The following UPF2 variants were observed in gnomAD, a reference collection of about 807,000 sequenced individuals.
UPF2 encodes UPF2 regulator of nonsense mediated mRNA decay.
UPF2 carries 17 observed loss-of-function variants against 141.4 expected under a neutral mutation model. The ratio of observed to expected loss-of-function variants is 0.12; its 90% CI spans 0.08 to 0.18. The LOEUF is 0.18. UPF2 is among the 10% of genes least tolerant of loss of function. UPF2 has a pLI of 1.00. For synonymous variants in UPF2, 540 were observed against 498.0 expected, an observed-to-expected ratio of 1.08 and a Z score of -1.12; for missense variants, 1,152 against 1,515.9, an observed-to-expected ratio of 0.76 and a Z score of 3.99.
rs1466972299 is a variant in UPF2, at chr10:11,999,962, C to T, written c.1702G>A (p.Val568Ile). The T allele has an allele frequency of 6.2e-7, 1 of 1,613,528 alleles. No individual in the cohort carries two copies. The highest frequency in any genetic ancestry group is 1.7e-5 in the Admixed American group (1 of 59,916). ...GGTAACTGCTGTAGGAAAGCATCTA[C>T]TATGAGCTTGAGATGAGATCCAGTG... ...ASTGSHLKLI[V>I]DAFLQQLPNC... The change falls in exon 7 of 22, where the codon GTA (valine) becomes ATA (isoleucine). Residue 568 changes from valine to isoleucine, a missense_variant. This residue lies in a region of UPF2 where 739 missense variants were observed against 1,032.2 expected (regional missense o/e 0.72). Transcript: ENST00000357604.
chr10:12,028,508 G>C (rs937096036), intron 3 of UPF2, among the ~76,000 whole-genome samples: 3 of 152,008 alleles, frequency 2.0e-5, no homozygotes, highest in African/African-American at 7.2e-5. Flanking sequence ...CATCCACAAA[G>C]CAAAAATCAC....
intron 8 of UPF2, among the ~76,000 whole-genome samples, chr10:11,986,880 T>C (rs1231984159): frequency 6.6e-6 from 1 of 152,202 alleles, no homozygotes; most frequent in Non-Finnish European, 1.5e-5. Context: ...GAAAATCTCT[T>C]ACAAAAAGTC....
At chr10:12,036,455 C>G (rs1834626835) in intron 1 of UPF2, among the ~76,000 whole-genome samples, 1 of 152,212 alleles carries the variant, frequency 6.6e-6, no homozygotes, top group African/African-American at 2.4e-5. Context: ...ATCTGTATTT[C>G]AAGTGCTCAA....
intron 2 of UPF2, among the ~76,000 whole-genome samples, chr10:12,029,736 C>T (rs1834482367): frequency 6.6e-6 from 1 of 152,012 alleles, no homozygotes; most frequent in Admixed American, 6.6e-5. Flanking sequence ...CCAAAGCAGA[C>T]AGATCACCTG....
intron 16 of UPF2, among the ~76,000 whole-genome samples, chr10:11,945,102 C>T (rs1226816797): frequency 6.6e-6 from 1 of 152,198 alleles, no homozygotes; most frequent in Non-Finnish European, 1.5e-5. Context: ...GAATCTTGCA[C>T]TTTCTGTTGA....
chr10:11,982,278 A>G (rs1309899714), intron 8 of UPF2, among the ~76,000 whole-genome samples: 1 of 152,210 alleles, frequency 6.6e-6, no homozygotes, highest in Non-Finnish European at 1.5e-5. Context: ...AGAAAAGTAC[A>G]GGTACAACAG....
At chr10:11,942,153 C>A (rs1354730192) in intron 18 of UPF2, among the ~76,000 whole-genome samples, 2 of 152,140 alleles carry the variant, frequency 1.3e-5, no homozygotes, top group South Asian at 2.1e-4. Flanking sequence ...GCAGGAGGAT[C>A]ACCTGAGGTC....
intron 8 of UPF2, among the ~76,000 whole-genome samples, chr10:11,994,818 T>C (rs540053098): frequency 5.9e-5 from 9 of 151,324 alleles, no homozygotes; most frequent in Non-Finnish European, 1.3e-4. Flanking sequence ...CTACTAAAAA[T>C]ACAAAAAATT....
intron 3 of UPF2, among the ~76,000 whole-genome samples, chr10:12,018,109 A>G (rs1315098170): frequency 6.6e-6 from 1 of 152,230 alleles, no homozygotes; most frequent in East Asian, 1.9e-4. Context: ...GACAATATAC[A>G]GACAAAGCAG....
At chr10:11,930,845 AC>A (rs1453805519) in intron 20 of UPF2, among the ~76,000 whole-genome samples, 3 of 152,124 alleles carry the variant, frequency 2.0e-5, no homozygotes, top group Non-Finnish European at 4.4e-5. Context: ...AAGATTGGAA[AC>A]CACAAATACT....
intron 8 of UPF2, among the ~76,000 whole-genome samples, chr10:11,982,765 C>T (rs1833620282): frequency 1.3e-5 from 2 of 152,110 alleles, no homozygotes. Flanking sequence ...GGATTACAGG[C>T]ATGCACCACC....
rs1374394879 is a variant in UPF2 at position 11,959,086 on chromosome 10, C to T, written c.2370+85G>A. The T allele has an allele frequency of 3.8e-6, 5 of 1,324,626 alleles. No homozygotes were observed. Among genetic ancestry groups the T allele is most frequent in the Non-Finnish European group, 5.0e-6 (5 of 1,003,266 alleles). 82.1% of individuals were successfully genotyped at this position (1,324,626 alleles called of 1,614,324 possible). On this transcript the variant is annotated intron_variant, in intron 12 of 21. Coordinates refer to ENST00000357604, the MANE Select transcript of UPF2 (RefSeq NM_015542.4). This position sits in a 1 kb window ranked among gnomAD's most constrained non-coding sequence, Gnocchi z 5.9. ...GATTATAAAGGAACTTGAGCTCTACCCCCACTTCTCCTAGACTCTACATAA... is the reference window on the plus strand; with the variant it reads ...GATTATAAAGGAACTTGAGCTCTACTCCCACTTCTCCTAGACTCTACATAA...
chr10:12,029,634 C>T (rs1367209779), intron 2 of UPF2, 110 bp from the exon 3 acceptor site: 6 of 1,224,326 alleles, frequency 4.9e-6, no homozygotes, highest in Middle Eastern at 2.9e-4. Flanking sequence ...GTATAACAAT[C>T]TACAAGATTC....
chr10:11,923,871 C>T (rs928724869), intron 21 of UPF2, among the ~76,000 whole-genome samples: 2 of 151,916 alleles, frequency 1.3e-5, no homozygotes, highest in African/African-American at 2.4e-5. Flanking sequence ...CACACAAATT[C>T]GTGAAGCTTT....
rs768897690 is a variant in UPF2, at chr10:11,959,384, A to C, written c.2185-28T>G. On this transcript the variant is annotated intron_variant, in intron 11 of 21. Coordinates refer to ENST00000357604, the MANE Select transcript of UPF2 (RefSeq NM_015542.4). The surrounding 1 kb of genome is among the most constrained non-coding windows in gnomAD (Gnocchi z 5.9). ...GAAATAAAAAGTCCAAATTAATCAA[A>C]ACACGTTCCTTCTAAGATTCCTTTA... 6.5e-7 allele frequency: 1 copy of C among 1,529,178 alleles called. No individual in the cohort carries two copies. The highest frequency in any genetic ancestry group is 1.3e-5 in the South Asian group (1 of 75,602). The allele number at this position is 1,529,178 out of a possible 1,614,324, so 94.7% of individuals were successfully genotyped here.
In UPF2 at chr10:11,998,740, G is replaced by A. The variant is rs929108716; in HGVS notation, c.1759-983C>T. On this transcript the variant is annotated intron_variant, in intron 7 of 21. Coordinates refer to ENST00000357604, the MANE Select transcript of UPF2 (RefSeq NM_015542.4). This position sits in a 1 kb window ranked among gnomAD's most constrained non-coding sequence, Gnocchi z 4.5. ...ATGGTGGCGGGCACCTGTAGTCCCA[G>A]CTACTCGGGAGGCTGAGGCAGGAGA... is the stretch of plus-strand genomic sequence containing the variant. Among the ~76,000 whole-genome samples the A allele has an allele frequency of 6.6e-6, 1 of 152,148 alleles. No individual in the cohort carries two copies. Among genetic ancestry groups the A allele is most frequent in the Non-Finnish European group, 1.5e-5 (1 of 68,004 alleles).
At chr10:12,039,751 G>A (rs1231496442) in intron 1 of UPF2, among the ~76,000 whole-genome samples, 1 of 151,958 alleles carries the variant, frequency 6.6e-6, no homozygotes, top group East Asian at 2.0e-4. Context: ...CTCCCGAGTA[G>A]CTGGGATTAC....
In UPF2 at chr10:11,980,589, T is replaced by C. The variant is rs1224190108; in HGVS notation, c.1845-1424A>G. Among the ~76,000 whole-genome samples the C allele has an allele frequency of 6.6e-6, 1 of 151,812 alleles. No individual in the cohort carries two copies. The highest frequency in any genetic ancestry group is 1.5e-5 in the Non-Finnish European group (1 of 67,978). ...CTCTACCAAAAATATAAAAATTAGC[T>C]GGGCGTGGTGACAGATGCCTGCAAT... On this transcript the variant is annotated intron_variant, in intron 8 of 21. Transcript: ENST00000357604. The surrounding 1 kb of genome is among the most constrained non-coding windows in gnomAD (Gnocchi z 4.2).
rs577966222 is a variant in UPF2, at chr10:11,927,156, G to C, written c.3809+2709C>G. ...CTCCATCTTCCACAGTGCAGTCCTG[G>C]ATGAGTGTACACGGAGGGAGGCAAA... On this transcript the variant is annotated intron_variant, in intron 21 of 21. Coordinates refer to ENST00000357604, the MANE Select transcript of UPF2 (RefSeq NM_015542.4). Among the ~76,000 whole-genome samples, 45 of 152,270 alleles carry C rather than the reference G, an allele frequency of 3.0e-4. No homozygotes were observed. The South Asian group carries it at 8.7e-3, about 29-fold the overall frequency.
Sources: allele counts gnomAD v4.1 joint callset (sites outside exome capture counted in the v4.1 genomes callset), GRCh38; gene constraint gnomAD v4.1.1; regional missense constraint gnomAD v4.1.1; non-coding constraint Gnocchi (gnomAD v3.1); transcripts MANE v1.5; gene names NCBI Gene and HGNC (gene_info 2026-07-23, HGNC 2026-07-21).